The following MIR2052HG variants were observed in gnomAD, a reference collection of about 807,000 sequenced individuals.
MIR2052HG encodes MIR2052 host gene.
At chr8:74,648,755 G>T (rs1393044191) in intron 2 of MIR2052HG, among the ~76,000 whole-genome samples, 1 of 151,740 alleles carries the variant, frequency 6.6e-6, no homozygotes, top group African/African-American at 2.4e-5. Context: ...ATATTTCATT[G>T]GGTAAGTGAA....
chr8:74,667,979 A>G (rs1020977796), intron 2 of MIR2052HG, among the ~76,000 whole-genome samples: 1 of 152,004 alleles, frequency 6.6e-6, no homozygotes, highest in Non-Finnish European at 1.5e-5. Flanking sequence ...AATCTGGAGA[A>G]TGATAAAAAT....
intron 2 of MIR2052HG, among the ~76,000 whole-genome samples, chr8:74,669,416 T>C (rs912897231): frequency 1.3e-5 from 2 of 152,178 alleles, no homozygotes; most frequent in East Asian, 1.9e-4. Flanking sequence ...CCCATAAGTC[T>C]CCTAATTGTA....
At chr8:74,735,505 G>A (rs1438883570) in intron 4 of MIR2052HG, among the ~76,000 whole-genome samples, 2 of 151,936 alleles carry the variant, frequency 1.3e-5, no homozygotes, top group Non-Finnish European at 2.9e-5. Flanking sequence ...GTGCTCCCCG[G>A]GCTCCATGTA....
In MIR2052HG at chr8:74,685,119, A is replaced by G. The variant is rs1809166348; in HGVS notation, n.217-17260A>G. Among the ~76,000 whole-genome samples, 2 of 152,120 alleles carry G rather than the reference A, an allele frequency of 1.3e-5. 1 individual carries two copies. Among genetic ancestry groups the G allele is most frequent in the South Asian group, 4.1e-4 (2 of 4,832 alleles). On this transcript the variant is annotated intron_variant and non_coding_transcript_variant, in intron 2 of 6. Transcript: ENST00000523442. ...AGTTATGTGAAAGTTTTAATATAAT[A>G]TCTGATATTTGACATGCAAGAAGTT...
chr8:74,662,627 C>A (rs936435211), intron 2 of MIR2052HG, among the ~76,000 whole-genome samples: 8 of 152,006 alleles, frequency 5.3e-5, no homozygotes, highest in Admixed American at 4.6e-4. Context: ...ATTTGAGGGC[C>A]TAAGAAGCCA....
chr8:74,619,651 G>A (rs1277794901), intron 2 of MIR2052HG, among the ~76,000 whole-genome samples: 4 of 152,104 alleles, frequency 2.6e-5, no homozygotes, highest in South Asian at 2.1e-4. Flanking sequence ...ATAAGATCTC[G>A]TGAGACTCAC....
chr8:74,636,055 G>A (rs970343889), intron 2 of MIR2052HG, among the ~76,000 whole-genome samples: 4 of 152,248 alleles, frequency 2.6e-5, no homozygotes, highest in Non-Finnish European at 5.9e-5. Context: ...TGTCCTCCAA[G>A]ATGTCCTCAG....
chr8:74,657,623 G>A lies in MIR2052HG; in HGVS notation n.216+44683G>A, dbSNP rs866901553. ...TGGACTTACAACTCCACATGGCTGG[G>A]GAGGCCTCACAATCATTGCGGAAGG... On this transcript the variant is annotated intron_variant and non_coding_transcript_variant, in intron 2 of 6. Coordinates refer to ENST00000523442, the Ensembl canonical transcript of MIR2052HG. 1.2e-4 allele frequency among the ~76,000 whole-genome samples: 18 copies of A among 152,312 alleles called. 1 individual carries two copies. Among genetic ancestry groups the A allele is most frequent in the Middle Eastern group, 3.4e-3 (1 of 294 alleles).
chr8:74,609,750 A>G (rs1349363575), intron 1 of MIR2052HG: 2 of 149,266 alleles, frequency 1.3e-5, no homozygotes, highest in African/African-American at 4.9e-5. Context: ...AATAATAATA[A>G]TAAATAATAC....
intron 2 of MIR2052HG, among the ~76,000 whole-genome samples, chr8:74,659,363 A>T (rs1808838165): frequency 6.6e-6 from 1 of 152,242 alleles, no homozygotes; most frequent in Non-Finnish European, 1.5e-5. Flanking sequence ...GTCCTCAAAT[A>T]TAAAAATAAA....
chr8:74,617,462 T>G (rs771311103), intron 2 of MIR2052HG, among the ~76,000 whole-genome samples: 20 of 20,846 alleles, frequency 9.6e-4, no homozygotes, highest in African/African-American at 4.6e-3. Flanking sequence ...ATTGGGTGTG[T>G]GTGTGTGTGT....
chr8:74,748,251 T>C (rs1809907600), intron 4 of MIR2052HG, among the ~76,000 whole-genome samples: 1 of 152,196 alleles, frequency 6.6e-6, no homozygotes, highest in Non-Finnish European at 1.5e-5. Context: ...ATCTTTGAGG[T>C]AAAACAGATT....
chr8:74,645,510 C>G (rs561259759), intron 2 of MIR2052HG, among the ~76,000 whole-genome samples: 10 of 152,286 alleles, frequency 6.6e-5, no homozygotes, highest in African/African-American at 2.4e-4. Flanking sequence ...GTCACGAACT[C>G]CCAACCTCAG....
chr8:74,701,720 A>G (rs1809359916), intron 2 of MIR2052HG, among the ~76,000 whole-genome samples: 1 of 152,120 alleles, frequency 6.6e-6, no homozygotes, highest in Non-Finnish European at 1.5e-5. Context: ...TGATTTTGAA[A>G]TCAATTAGCC....
chr8:74,738,471 A>T (rs1809793817), intron 4 of MIR2052HG, among the ~76,000 whole-genome samples: 1 of 152,194 alleles, frequency 6.6e-6, no homozygotes, highest in African/African-American at 2.4e-5. Flanking sequence ...CTGTCTTCCA[A>T]ATACCTGGTG....
chr8:74,647,311 T>A (rs1808699230), intron 2 of MIR2052HG, among the ~76,000 whole-genome samples: 1 of 152,200 alleles, frequency 6.6e-6, no homozygotes, highest in African/African-American at 2.4e-5. Context: ...TATTTGACTC[T>A]GGTTCAGTCT....
intron 1 of MIR2052HG, among the ~76,000 whole-genome samples, chr8:74,606,976 C>A (rs1428689257): frequency 2.0e-5 from 3 of 151,240 alleles, no homozygotes; most frequent in African/African-American, 7.3e-5. Context: ...TGAACATTAC[C>A]AATAGCCGTA....
chr8:74,646,789 G>A (rs1403159485), intron 2 of MIR2052HG, among the ~76,000 whole-genome samples: 3 of 152,120 alleles, frequency 2.0e-5, no homozygotes, highest in South Asian at 2.1e-4. Flanking sequence ...TTATCTGGGT[G>A]TGCTGGTACA....
At chr8:74,662,241 A>G (rs773493415) in intron 2 of MIR2052HG, among the ~76,000 whole-genome samples, 39 of 152,198 alleles carry the variant, frequency 2.6e-4, no homozygotes, top group South Asian at 6.2e-4. Context: ...CTCTCCCACA[A>G]TAATGTCAAC....
Sources: gnomAD v4.1 joint callset for allele counts (sites outside exome capture counted in the v4.1 genomes callset) on GRCh38, gnomAD v4.1.1 for gene constraint, MANE v1.5 for transcripts, NCBI Gene and HGNC (gene_info 2026-07-23, HGNC 2026-07-21) for gene names.